TBC1D19: variants seen among roughly 807,000 people sequenced by gnomAD.
The protein encoded by TBC1D19 is TBC1 domain family, member 19.
TBC1D19 carries 60 observed loss-of-function variants against 89.0 expected under a neutral mutation model. The observed-to-expected ratio is 0.67, with a 90% CI of 0.55 to 0.84. The LOEUF (loss-of-function observed/expected upper bound fraction) is 0.84, where lower values mean the gene tolerates loss of function less well. TBC1D19 is among the 40% of genes least tolerant of loss of function. The probability of loss-of-function intolerance (pLI) is 0.00; values close to 1 mark genes in which losing one functional copy is unlikely to be tolerated. For synonymous variants in TBC1D19, 189 were observed against 199.7 expected, an observed-to-expected ratio of 0.95 and a Z score of 0.45; for missense variants, 500 against 610.8, an observed-to-expected ratio of 0.82 and a Z score of 1.91.
chr4:26,737,432 T>C (rs1718114380), intron 16 of TBC1D19, among the ~76,000 whole-genome samples: 1 of 152,156 alleles, frequency 6.6e-6, no homozygotes, highest in African/African-American at 2.4e-5. Context: ...TTCAAGTAAA[T>C]CGTTTTTGGA....
At chr4:26,690,536 G>A (rs913417402) in intron 13 of TBC1D19, among the ~76,000 whole-genome samples, 2 of 152,174 alleles carry the variant, frequency 1.3e-5, no homozygotes, top group African/African-American at 4.8e-5. Flanking sequence ...GTATCTTTAG[G>A]TTGAAGCCAG....
chr4:26,853,446 G>A, the TBC1D19 span, among the ~76,000 whole-genome samples: 1 of 151,994 alleles, frequency 6.6e-6, no homozygotes, highest in African/African-American at 2.4e-5. Flanking sequence ...TTCCATCAAA[G>A]CAGACATTTT....
At chr4:26,780,972 A>G in the TBC1D19 span, among the ~76,000 whole-genome samples, 1 of 152,214 alleles carries the variant, frequency 6.6e-6, no homozygotes, top group Admixed American at 6.5e-5. Flanking sequence ...CAAATAAATT[A>G]CATAAATACT....
intron 13 of TBC1D19, among the ~76,000 whole-genome samples, chr4:26,703,596 T>C (rs751023244): frequency 3.9e-5 from 6 of 152,146 alleles, no homozygotes; most frequent in Non-Finnish European, 8.8e-5. Context: ...AAATTAGATG[T>C]CATGTGGCAT....
the TBC1D19 span, among the ~76,000 whole-genome samples, chr4:26,843,242 C>A: frequency 2.0e-5 from 3 of 152,122 alleles, no homozygotes; most frequent in Admixed American, 6.5e-5. Flanking sequence ...CTTTTTAAAG[C>A]TTCATGCTTG....
the TBC1D19 span, among the ~76,000 whole-genome samples, chr4:26,815,904 A>T: frequency 1.3e-5 from 2 of 152,182 alleles, no homozygotes; most frequent in Non-Finnish European, 2.9e-5. Context: ...TAGTTCAGGA[A>T]CACTCCTGCC....
the TBC1D19 span, among the ~76,000 whole-genome samples, chr4:26,804,446 C>T: frequency 2.0e-5 from 3 of 152,234 alleles, no homozygotes; most frequent in African/African-American, 7.2e-5. Flanking sequence ...CGTGCGCTGC[C>T]CTGTCTGTGT....
At chr4:26,852,199 G>A in the TBC1D19 span, among the ~76,000 whole-genome samples, 5 of 152,302 alleles carry the variant, frequency 3.3e-5, no homozygotes, top group African/African-American at 9.6e-5. Context: ...GTTGCTTAAG[G>A]TAAACATTTC....
At chr4:26,807,037 A>G in the TBC1D19 span, among the ~76,000 whole-genome samples, 1 of 152,120 alleles carries the variant, frequency 6.6e-6, no homozygotes, top group Admixed American at 6.5e-5. Flanking sequence ...CTGGTGAGAG[A>G]GTGAGTGAGT....
At chr4:26,604,626 T>C (rs1340939548) in intron 1 of TBC1D19, among the ~76,000 whole-genome samples, 2 of 150,524 alleles carry the variant, frequency 1.3e-5, no homozygotes, top group Admixed American at 1.3e-4. Flanking sequence ...ATCCCAGCAC[T>C]TTACTTTGGG....
the TBC1D19 span, among the ~76,000 whole-genome samples, chr4:26,796,917 T>C: frequency 6.6e-6 from 1 of 152,322 alleles, no homozygotes; most frequent in South Asian, 2.1e-4. Flanking sequence ...ATTGCAATGA[T>C]GGTTGTAAAA....
intron 13 of TBC1D19, among the ~76,000 whole-genome samples, chr4:26,692,320 G>T (rs1346307550): frequency 1.3e-5 from 2 of 152,156 alleles, no homozygotes; most frequent in Non-Finnish European, 2.9e-5. Context: ...GCAGAGATCT[G>T]GCCCAAAAGC....
chr4:26,790,550 CATAA>C, the TBC1D19 span, among the ~76,000 whole-genome samples: 10,159 of 151,988 alleles, frequency 0.067, 966 homozygotes, highest in African/African-American at 0.21. Context: ...TGGATGGATG[CATAA>C]ATAGATAGAT....
At chr4:26,643,243 C>A (rs1743672153) in intron 7 of TBC1D19, among the ~76,000 whole-genome samples, 1 of 152,162 alleles carries the variant, frequency 6.6e-6, no homozygotes, top group African/African-American at 2.4e-5. Context: ...GACCACAGTG[C>A]AATCAAATTA....
chr4:26,827,019 T>A, the TBC1D19 span, among the ~76,000 whole-genome samples: 4 of 152,218 alleles, frequency 2.6e-5, no homozygotes, highest in South Asian at 8.3e-4. Flanking sequence ...ACCTCTTTTA[T>A]AAACTGTTAA....
chr4:26,643,366 T>G (rs977949484), intron 7 of TBC1D19, among the ~76,000 whole-genome samples: 2 of 152,184 alleles, frequency 1.3e-5, no homozygotes, highest in African/African-American at 4.8e-5. Flanking sequence ...ATAAAGATGC[T>G]CTTTGAAACC....
the TBC1D19 span, among the ~76,000 whole-genome samples, chr4:26,837,426 G>C: frequency 2.0e-5 from 3 of 152,324 alleles, no homozygotes; most frequent in East Asian, 5.8e-4. Flanking sequence ...ATCAAAGATG[G>C]CACCACAATT....
the TBC1D19 span, among the ~76,000 whole-genome samples, chr4:26,784,722 T>C: frequency 6.6e-6 from 1 of 152,238 alleles, no homozygotes; most frequent in Non-Finnish European, 1.5e-5. Context: ...GACAACATGC[T>C]TGAGTATCCT....
At chr4:26,680,747 C>T (rs544564793) in intron 11 of TBC1D19, among the ~76,000 whole-genome samples, 271 of 152,290 alleles carry the variant, frequency 1.8e-3, no homozygotes, top group African/African-American at 6.2e-3. Flanking sequence ...ATACCAGTGC[C>T]TATTTGATCC....
Sources: allele counts gnomAD v4.1 joint callset (sites outside exome capture counted in the v4.1 genomes callset), GRCh38; gene constraint gnomAD v4.1.1; transcripts MANE v1.5; gene names NCBI Gene and HGNC (gene_info 2026-07-23, HGNC 2026-07-21).